Variants in PLPP1 observed in about 807,000 individuals in gnomAD.
PLPP1 encodes the protein phospholipid phosphatase 1, also known as lipid phosphate phosphohydrolase 1a.
In PLPP1, 24 loss-of-function variants were observed where a neutral mutation model predicts 31.2. The observed-to-expected ratio is 0.77, with a 90% CI of 0.56 to 1.08. PLPP1 has a LOEUF of 1.08. Ranked by LOEUF, PLPP1 falls within the 50% of genes least tolerant of loss-of-function variation. The pLI, the probability that PLPP1 is intolerant of heterozygous loss-of-function variation, is 0.00. For synonymous variants in PLPP1, 146 were observed against 126.3 expected, an observed-to-expected ratio of 1.16 and a Z score of -1.05; for missense variants, 319 against 342.7, an observed-to-expected ratio of 0.93 and a Z score of 0.55.
At chr5:55,491,366 G>A (rs1278592835) in intron 1 of PLPP1, among the ~76,000 whole-genome samples, 1 of 152,094 alleles carries the variant, frequency 6.6e-6, no homozygotes, top group Admixed American at 6.5e-5. Context: ...AACAATAAAA[G>A]AGACTTCCAC....
chr5:55,528,470 T>A (rs1740547884), intron 1 of PLPP1, among the ~76,000 whole-genome samples: 1 of 152,244 alleles, frequency 6.6e-6, no homozygotes, highest in Non-Finnish European at 1.5e-5. Context: ...CATCTTTGTA[T>A]CCCTAGTACC....
At chr5:55,452,627 A>G (rs148503310) in intron 3 of PLPP1, among the ~76,000 whole-genome samples, 83 of 152,262 alleles carry the variant, frequency 5.5e-4, no homozygotes, top group African/African-American at 1.8e-3. Flanking sequence ...CTCTTTGGTA[A>G]TTATTACTTA....
chr5:55,462,375 A>G (rs1336363167), intron 3 of PLPP1, among the ~76,000 whole-genome samples: 1 of 152,260 alleles, frequency 6.6e-6, no homozygotes, highest in African/African-American at 2.4e-5. Context: ...AAGTGCCAAC[A>G]TAATTCAATG....
chr5:55,516,239 A>T (rs1753552982), intron 1 of PLPP1, among the ~76,000 whole-genome samples: 1 of 152,050 alleles, frequency 6.6e-6, no homozygotes, highest in Non-Finnish European at 1.5e-5. Flanking sequence ...CCACCTCTTT[A>T]GTCTCACTGC....
intron 1 of PLPP1, among the ~76,000 whole-genome samples, chr5:55,500,596 A>T (rs1753119086): frequency 6.6e-6 from 1 of 152,204 alleles, no homozygotes; most frequent in Non-Finnish European, 1.5e-5. Flanking sequence ...TTTATAATAA[A>T]ACAAAAGACC....
At position 55,458,915 on chromosome 5, in the gene PLPP1, A is replaced by AAAAAAAAAAC. The variant is rs1561231077; in HGVS notation, c.491+8953_491+8954insGTTTTTTTTT. 3.4e-5 allele frequency among the ~76,000 whole-genome samples: 5 copies of AAAAAAAAAAC among 148,952 alleles called. 1 individual carries two copies. Among genetic ancestry groups the AAAAAAAAAAC allele is most frequent in the African/African-American group, 1.2e-4 (5 of 40,242 alleles). ...AAAAAAAAAAAAAAAAAAAAAAAAAAACACATAGCAAAATGGCAGAAAAAT... is the reference window on the plus strand; with the variant it reads ...AAAAAAAAAAAAAAAAAAAAAAAAAAAAAAAAAAACACACATAGCAAAATGGCAGAAAAAT... On this transcript the variant is annotated intron_variant, in intron 3 of 5. Transcript: ENST00000307259.
At chr5:55,450,996 C>T (rs986602230) in intron 3 of PLPP1, among the ~76,000 whole-genome samples, 2 of 152,206 alleles carry the variant, frequency 1.3e-5, no homozygotes, top group Non-Finnish European at 2.9e-5. Context: ...GACCCTGAGA[C>T]TTCTACTCTA....
At chr5:55,494,494 C>T (rs1752963837) in intron 1 of PLPP1, among the ~76,000 whole-genome samples, 1 of 152,152 alleles carries the variant, frequency 6.6e-6, no homozygotes, top group South Asian at 2.1e-4. Flanking sequence ...GCCTTTGGGG[C>T]AATCTGGCAC....
intron 1 of PLPP1, among the ~76,000 whole-genome samples, chr5:55,487,802 A>C (rs139352001): frequency 6.0e-4 from 92 of 152,308 alleles, no homozygotes; most frequent in African/African-American, 2.2e-3. Context: ...AAGGCCCAGA[A>C]ACTGGCCAAA....
At chr5:55,445,165 G>A (rs150076195) in intron 3 of PLPP1, among the ~76,000 whole-genome samples, 2 of 152,254 alleles carry the variant, frequency 1.3e-5, no homozygotes, top group East Asian at 3.9e-4. Flanking sequence ...TCATGGCATT[G>A]AGAGCATTCA....
chr5:55,457,010 A>T (rs1374667464), intron 3 of PLPP1, among the ~76,000 whole-genome samples: 1 of 152,020 alleles, frequency 6.6e-6, no homozygotes, highest in African/African-American at 2.4e-5. Context: ...AAATACAAAA[A>T]TTACCCGGGG....
intron 4 of PLPP1, among the ~76,000 whole-genome samples, chr5:55,431,840 G>A (rs1239068979): frequency 6.6e-6 from 1 of 152,034 alleles, no homozygotes; most frequent in East Asian, 1.9e-4. Context: ...AAACGAAATC[G>A]ACAAGAGAAA....
At chr5:55,434,560 G>A (rs1449907305) in intron 4 of PLPP1, among the ~76,000 whole-genome samples, 1 of 152,148 alleles carries the variant, frequency 6.6e-6, no homozygotes, top group African/African-American at 2.4e-5. Flanking sequence ...AAACAGCACA[G>A]TATTGGTATA....
intron 2 of PLPP1, among the ~76,000 whole-genome samples, chr5:55,470,518 C>T (rs1415086179): frequency 6.6e-6 from 1 of 152,176 alleles, no homozygotes; most frequent in Non-Finnish European, 1.5e-5. Flanking sequence ...AGCTGATCTT[C>T]AGAAGTAGTG....
intron 3 of PLPP1, among the ~76,000 whole-genome samples, chr5:55,448,435 G>A (rs888989425): frequency 6.9e-6 from 1 of 145,786 alleles, no homozygotes; most frequent in African/African-American, 2.5e-5. Flanking sequence ...AGGACCCAAG[G>A]AAGATTCTAG....
chr5:55,474,804 T>G (rs1336839948), intron 2 of PLPP1, among the ~76,000 whole-genome samples: 2 of 152,192 alleles, frequency 1.3e-5, no homozygotes, highest in Non-Finnish European at 2.9e-5. Context: ...AGAATCATAT[T>G]GCTATAACAT....
In PLPP1 at chr5:55,532,924, C is replaced by G. The variant is rs1269834987; in HGVS notation, c.58+1648G>C. Among the ~76,000 whole-genome samples the G allele has an allele frequency of 2.0e-5, 3 of 148,834 alleles. No individual in the cohort carries two copies. The Admixed American group carries it at 2.0e-4, about 10-fold the overall frequency. On this transcript the variant is annotated intron_variant, in intron 1 of 5. Coordinates refer to ENST00000307259, the MANE Select transcript of PLPP1 (RefSeq NM_003711.4). ...TGAGCCAAGATCGCGCCACTGCACT[C>G]CAGCCTGGGCGACAGAGCAAGACCG...
In PLPP1 at chr5:55,534,791, G is replaced by T; in HGVS notation, c.-162C>A. On this transcript the variant is annotated 5_prime_UTR_variant, in exon 1 of 6. Transcript: ENST00000307259. ...GCCGAGGGCGGGCTGAGACCGGGCG[G>T]CGCTCCCACCGCCAGCAATGGCGCC... The T allele has an allele frequency of 1.4e-6, 1 of 698,696 alleles. No homozygotes were observed. The highest frequency in any genetic ancestry group is 2.2e-6 in the Non-Finnish European group (1 of 454,220). The allele number at this position is 698,696 out of a possible 1,614,324, so 43.3% of individuals were successfully genotyped here. A position where few individuals can be genotyped will look rare whatever the true frequency, so the allele number is the denominator to read the frequency against.
intron 2 of PLPP1, among the ~76,000 whole-genome samples, chr5:55,471,164 T>C (rs1365371857): frequency 6.6e-6 from 1 of 152,062 alleles, no homozygotes; most frequent in East Asian, 1.9e-4. Context: ...ATTCTACTGA[T>C]TTTTTTCTCA....
Sources: gnomAD v4.1 joint callset for allele counts (sites outside exome capture counted in the v4.1 genomes callset) on GRCh38, gnomAD v4.1.1 for gene constraint, MANE v1.5 for transcripts, NCBI Gene and HGNC (gene_info 2026-07-23, HGNC 2026-07-21) for gene names.